PTPRT: variants seen among roughly 807,000 people sequenced by gnomAD.
The protein encoded by PTPRT is protein tyrosine phosphatase receptor type T.
PTPRT carries 56 observed loss-of-function variants against 176.8 expected under a neutral mutation model. That is an observed-to-expected ratio of 0.32 (90% CI 0.26 to 0.40). The LOEUF (loss-of-function observed/expected upper bound fraction) is 0.40, where lower values mean the gene tolerates loss of function less well. PTPRT is among the 10% of genes least tolerant of loss of function. The pLI, the probability that PTPRT is intolerant of heterozygous loss-of-function variation, is 1.00. For synonymous variants in PTPRT, 783 were observed against 739.0 expected (o/e 1.06, Z -0.96); for missense variants, 1,540 against 1,908.2 (o/e 0.81, Z 3.60).
chr20:42,442,830 C>T (rs2059328921), intron 9 of PTPRT, among the ~76,000 whole-genome samples: 1 of 152,148 alleles, frequency 6.6e-6, no homozygotes, highest in Non-Finnish European at 1.5e-5. Flanking sequence ...GGTTTTTAGA[C>T]AACTGTTTGG....
intron 1 of PTPRT, among the ~76,000 whole-genome samples, chr20:43,117,693 G>C (rs1409913748): frequency 6.6e-6 from 1 of 152,186 alleles, no homozygotes; most frequent in East Asian, 1.9e-4. Context: ...GTAGCGGCAA[G>C]AGTCTCAGAG....
chr20:42,819,369 C>T (rs1600786598), intron 2 of PTPRT, among the ~76,000 whole-genome samples: 1 of 152,138 alleles, frequency 6.6e-6, no homozygotes, highest in African/African-American at 2.4e-5. Flanking sequence ...TTTGTTACCA[C>T]CAGGCCTGCC....
intron 5 of PTPRT, among the ~76,000 whole-genome samples, chr20:42,770,400 C>T (rs1340202954): frequency 1.3e-5 from 2 of 152,192 alleles, no homozygotes; most frequent in East Asian, 1.9e-4. Flanking sequence ...CAAAAACTTG[C>T]TATTTGTGCT....
At chr20:42,981,716 C>A (rs1983287770) in intron 1 of PTPRT, among the ~76,000 whole-genome samples, 1 of 152,210 alleles carries the variant, frequency 6.6e-6, no homozygotes, top group Non-Finnish European at 1.5e-5. Context: ...GAATAACCAC[C>A]TACTGGACAC....
At chr20:42,955,876 G>T (rs1258605278) in intron 1 of PTPRT, among the ~76,000 whole-genome samples, 2 of 150,658 alleles carry the variant, frequency 1.3e-5, no homozygotes, top group Non-Finnish European at 3.0e-5. Context: ...AGGGAGGGAG[G>T]GAGGATGAAC....
At chr20:42,816,427 T>G (rs776254706) in intron 2 of PTPRT, among the ~76,000 whole-genome samples, 21 of 152,214 alleles carry the variant, frequency 1.4e-4, no homozygotes, top group Non-Finnish European at 2.8e-4. Context: ...TTTCAACTTT[T>G]AGAATCATTA....
At chr20:42,389,419 C>T (rs1366033046) in intron 9 of PTPRT, among the ~76,000 whole-genome samples, 1 of 152,170 alleles carries the variant, frequency 6.6e-6, no homozygotes, top group African/African-American at 2.4e-5. Flanking sequence ...ATGATTACTG[C>T]TATGGTTTGA....
chr20:43,052,384 G>A (rs1349544944), intron 1 of PTPRT, among the ~76,000 whole-genome samples: 1 of 152,236 alleles, frequency 6.6e-6, no homozygotes, highest in East Asian at 1.9e-4. Context: ...TTACTCAACA[G>A]ATGTTTATTG....
chr20:42,579,442 T>G (rs895086737), intron 7 of PTPRT, among the ~76,000 whole-genome samples: 2 of 152,288 alleles, frequency 1.3e-5, no homozygotes, highest in African/African-American at 2.4e-5. Flanking sequence ...CATGGCTGGG[T>G]CAAATGGTAT....
At chr20:42,454,329 T>C (rs2070884476) in intron 8 of PTPRT, among the ~76,000 whole-genome samples, 1 of 152,196 alleles carries the variant, frequency 6.6e-6, no homozygotes, top group Non-Finnish European at 1.5e-5. Flanking sequence ...TGAACATATA[T>C]ATAAGATTTT....
intron 4 of PTPRT, among the ~76,000 whole-genome samples, chr20:42,773,433 C>T (rs1051841634): frequency 6.6e-6 from 1 of 152,108 alleles, no homozygotes; most frequent in Non-Finnish European, 1.5e-5. Context: ...CCAAAAAATC[C>T]AGGAAGTGGG....
At chr20:42,590,161 C>T (rs2073543967) in intron 7 of PTPRT, among the ~76,000 whole-genome samples, 1 of 152,152 alleles carries the variant, frequency 6.6e-6, no homozygotes, top group African/African-American at 2.4e-5. Flanking sequence ...ATAGGTGTTC[C>T]AGCTAACAGC....
At chr20:42,182,173 A>C (rs1471374304) in intron 16 of PTPRT, among the ~76,000 whole-genome samples, 1 of 152,170 alleles carries the variant, frequency 6.6e-6, no homozygotes, top group Non-Finnish European at 1.5e-5. Flanking sequence ...GACAGAAGTC[A>C]TGTCATTCTG....
intron 9 of PTPRT, among the ~76,000 whole-genome samples, chr20:42,436,585 G>T (rs1249788691): frequency 6.6e-6 from 1 of 152,208 alleles, no homozygotes; most frequent in Non-Finnish European, 1.5e-5. Context: ...TTGCTGGCAT[G>T]AGTGTAAATT....
intron 1 of PTPRT, among the ~76,000 whole-genome samples, chr20:43,012,067 C>T (rs1985156560): frequency 6.6e-6 from 1 of 152,208 alleles, no homozygotes; most frequent in African/African-American, 2.4e-5. Context: ...GGTTTTAGGA[C>T]TCGGACTGGC....
chr20:42,698,293 T>C (rs2146147646), intron 6 of PTPRT, among the ~76,000 whole-genome samples: 1 of 152,268 alleles, frequency 6.6e-6, no homozygotes, highest in East Asian at 1.9e-4. Flanking sequence ...CCAGTTCCTT[T>C]ACAGACAAGA....
At chr20:42,993,049 T>C (rs1188436290) in intron 1 of PTPRT, among the ~76,000 whole-genome samples, 1 of 152,144 alleles carries the variant, frequency 6.6e-6, no homozygotes, top group Non-Finnish European at 1.5e-5. Context: ...ATTTATCAAG[T>C]CAGTCATGAG....
At position 42,261,954 on chromosome 20, in the gene PTPRT, C is replaced by T. The variant is rs577818302; in HGVS notation, c.2177-13132G>A. ...GTGCCTGGAAAGGAGAGAAGGGGCA[C>T]GGGAGGAAGCAGGCAATCTATAGGA... On this transcript the variant is annotated intron_variant, in intron 13 of 30. Transcript: ENST00000373187. Among the ~76,000 whole-genome samples the T allele has an allele frequency of 2.4e-4, 36 of 152,076 alleles. No homozygotes were observed. The South Asian group carries it at 6.9e-3, about 29-fold the overall frequency.
chr20:42,853,880 A>G (rs73907284), intron 2 of PTPRT, among the ~76,000 whole-genome samples: 3,325 of 152,308 alleles, frequency 0.022, 96 homozygotes, highest in African/African-American at 0.063. Flanking sequence ...GGGCTCCTAA[A>G]ATACAGCAAA....
Sources: gnomAD v4.1 joint callset for allele counts (sites outside exome capture counted in the v4.1 genomes callset) on GRCh38, gnomAD v4.1.1 for gene constraint, MANE v1.5 for transcripts, NCBI Gene and HGNC (gene_info 2026-07-23, HGNC 2026-07-21) for gene names.